Variants in NCKAP5L observed in about 807,000 individuals in gnomAD.
The protein encoded by NCKAP5L is nck-associated protein 5-like.
NCKAP5L carries 54 observed loss-of-function variants against 103.2 expected under a neutral mutation model. That is an observed-to-expected ratio of 0.52 (90% confidence interval 0.42 to 0.66). The LOEUF (loss-of-function observed/expected upper bound fraction) is 0.66. NCKAP5L is among the 30% of genes least tolerant of loss of function. The pLI, the probability that NCKAP5L is intolerant of heterozygous loss-of-function variation, is 0.00. For missense variants in NCKAP5L, 1,733 were observed against 1,750.6 expected, an observed-to-expected ratio of 0.99 and a Z score of 0.18; for synonymous variants, 762 against 748.6, an observed-to-expected ratio of 1.02 and a Z score of -0.29.
chr12:49,791,935 G>C lies in NCKAP5L; in HGVS notation c.3909C>G (p.Gly1303=), dbSNP rs61735515. The C allele has an allele frequency of 4.4e-4, 716 of 1,612,442 alleles. 6 individuals are homozygous for C. The African/African-American group carries it at 8.3e-3, about 19-fold the overall frequency. The change falls in exon 13 of 13, where the codon GGC becomes GGG. Residue 1303 remains glycine, a synonymous_variant. Coordinates refer to ENST00000335999, the MANE Select transcript of NCKAP5L (RefSeq NM_001037806.4). ...CTGGGGGGCCCCCGCTGGCCACTCTGCCTTCCTCGGCCATGTCCGAAGTGC... is the reference window on the plus strand; with the variant it reads ...CTGGGGGGCCCCCGCTGGCCACTCTCCCTTCCTCGGCCATGTCCGAAGTGC... The part of the protein sequence containing the change: ...TPSTSDMAEE[G]RVASGGPPGL...
At chr12:49,793,531 A>G in intron 9 of NCKAP5L, 98 bp from the exon 10 acceptor site, 1 of 1,366,700 alleles carries the variant, frequency 7.3e-7, no homozygotes, top group Non-Finnish European at 1.0e-6. Context: ...AACATATGAG[A>G]GTATGAGGAT....
chr12:49,798,073 G>A (rs759494130), intron 7 of NCKAP5L, among the ~76,000 whole-genome samples: 2 of 152,134 alleles, frequency 1.3e-5, no homozygotes, highest in Non-Finnish European at 1.5e-5. Flanking sequence ...TGATTATTAC[G>A]TTAACCTCAC....
At position 49,792,398 on chromosome 12, in the gene NCKAP5L, T is replaced by C. The variant is rs1661006257; in HGVS notation, c.3792+48A>G. 2 of 1,605,132 alleles carry C rather than the reference T, an allele frequency of 1.2e-6. No homozygotes were observed. The highest frequency in any genetic ancestry group is 1.7e-6 in the Non-Finnish European group (2 of 1,176,030). ...GGAGAAACTGGTCTCCCCACATCAC[T>C]CCCTCCTGCTCCCGAGTCCTTTCCC... On this transcript the variant is annotated intron_variant, in intron 12 of 12. Transcript: ENST00000335999. The surrounding 1 kb of genome is among the most constrained non-coding windows in gnomAD (Gnocchi z 4.5).
chr12:49,796,828 G>A lies in NCKAP5L; in HGVS notation c.1032C>T (p.Ala344=), dbSNP rs116434698. The A allele has an allele frequency of 1.0e-3, 1,681 of 1,613,200 alleles. 12 individuals carry two copies. The African/African-American group carries it at 0.018, about 18-fold the overall frequency. Residue 344 remains alanine, a synonymous_variant, in exon 8 of 13, where the codon GCC becomes GCT. Coordinates refer to ENST00000335999, the MANE Select transcript of NCKAP5L (RefSeq NM_001037806.4). The stretch of plus-strand genomic sequence containing the variant: ...CCCCATTGAGTGGGCCTGCAGCCCC[G>A]GCCAGGAAGGCCTGTAGGTAAGACT... ...DTESYLQAFL[A]GAAGPLNGDH...
intron 6 of NCKAP5L, among the ~76,000 whole-genome samples, chr12:49,800,098 G>C (rs1291765409): frequency 6.6e-6 from 1 of 152,252 alleles, no homozygotes; most frequent in Non-Finnish European, 1.5e-5. Context: ...GGGAGGCTGA[G>C]GCAGAAGAAT....
At position 49,795,754 on chromosome 12, in the gene NCKAP5L, C is replaced by A; in HGVS notation, c.2106G>T (p.Gly702=). 1 of 1,597,448 alleles carries A rather than the reference C, an allele frequency of 6.3e-7. No individual in the cohort carries two copies. Among genetic ancestry groups the A allele is most frequent in the East Asian group, 2.3e-5 (1 of 43,676 alleles). Residue 702 remains glycine, a synonymous_variant, in exon 8 of 13, where the codon GGG becomes GGT. Coordinates refer to ENST00000335999, the MANE Select transcript of NCKAP5L (RefSeq NM_001037806.4). ...AGGGCACCATGTCTCCAGCACTCTCCCCTGACTTCCCAGGTCCCCGGGTCT... is the reference window on the plus strand; with the variant it reads ...AGGGCACCATGTCTCCAGCACTCTCACCTGACTTCCCAGGTCCCCGGGTCT... ...TEKTRGPGKS[G]ESAGDMVPSI...
rs916853854 is a variant in NCKAP5L at position 49,791,500 on chromosome 12, T to C, written c.*339A>G. The C allele has an allele frequency of 1.9e-5, 4 of 205,682 alleles. No homozygotes were observed. In the South Asian group the frequency reaches 7.1e-4, roughly 37 times the overall value. 12.7% of individuals were successfully genotyped at this position (205,682 alleles called of 1,614,324 possible). On this transcript the variant is annotated 3_prime_UTR_variant, in exon 13 of 13. Transcript: ENST00000335999. ...GGTTGGGCAGAGATGGCACGGCTGG[T>C]GGGCAGGAAGCCCAGCACCACAAGA...
chr12:49,795,340 G>A lies in NCKAP5L; in HGVS notation c.2520C>T (p.Pro840=), dbSNP rs575102080. The change falls in exon 8 of 13, where the codon CCC becomes CCT. Residue 840 remains proline, a synonymous_variant. Coordinates refer to ENST00000335999, the MANE Select transcript of NCKAP5L (RefSeq NM_001037806.4). ...PGAPLVTKES[P]KPDKGKGPPW... Reference sequence around the variant, plus strand: ...GAGGGCCCTTCCCTTTGTCAGGCTTGGGGGACTCCTTGGTGACTAGCGGAG... The same window carrying A: ...GAGGGCCCTTCCCTTTGTCAGGCTTAGGGGACTCCTTGGTGACTAGCGGAG... 21 of 1,539,356 alleles carry A rather than the reference G, an allele frequency of 1.4e-5. No individual in the cohort carries two copies. In the South Asian group the frequency reaches 2.5e-4, roughly 18 times the overall value.
At chr12:49,808,351 G>A (rs1488798286) in intron 1 of NCKAP5L, among the ~76,000 whole-genome samples, 3 of 152,254 alleles carry the variant, frequency 2.0e-5, no homozygotes, top group East Asian at 3.8e-4. Flanking sequence ...ACAGCGAGGG[G>A]GTCTGGGGTC....
chr12:49,796,703 G>A lies in NCKAP5L; in HGVS notation c.1157C>T (p.Pro386Leu). The A allele has an allele frequency of 1.2e-6, 2 of 1,600,616 alleles. No homozygotes were observed. Among genetic ancestry groups the A allele is most frequent in the Non-Finnish European group, 8.5e-7 (1 of 1,173,834 alleles). Residue 386 changes from proline (P) to leucine (L), a missense_variant, in exon 8 of 13, where the codon CCA (proline) becomes CTA (leucine). Pro to Leu is a moderately conservative substitution (Grantham distance 98). Transcript: ENST00000335999. ...ACCGAAGCCTGGCCTGTGGGCCTCTGGGGTACCCCCACCCCAAGCTGACTT... is the reference window on the plus strand; with the variant it reads ...ACCGAAGCCTGGCCTGTGGGCCTCTAGGGTACCCCCACCCCAAGCTGACTT... ...LPKSAWGGGT[P>L]EAHRPGFGAT...
Position 49,795,347 on chromosome 12 carries a change from T to G in NCKAP5L, c.2513A>C (p.Glu838Ala). Residue 838 changes from glutamate (E) to alanine (A), a missense_variant, in exon 8 of 13, where the codon GAG becomes GCG. Transcript: ENST00000335999. Reference sequence around the variant, plus strand: ...CTTCCCTTTGTCAGGCTTGGGGGACTCCTTGGTGACTAGCGGAGCCCCAGG... The same window carrying G: ...CTTCCCTTTGTCAGGCTTGGGGGACGCCTTGGTGACTAGCGGAGCCCCAGG... ...PRPGAPLVTK[E>A]SPKPDKGKGP... 6.5e-7 allele frequency: 1 copy of G among 1,540,000 alleles called. No homozygotes were observed. The highest frequency in any genetic ancestry group is 8.7e-7 in the Non-Finnish European group (1 of 1,149,332).
chr12:49,792,363 G>A lies in NCKAP5L; in HGVS notation c.3792+83C>T, dbSNP rs564450932. On this transcript the variant is annotated intron_variant, in intron 12 of 12. Transcript: ENST00000335999. This position sits in a 1 kb window ranked among gnomAD's most constrained non-coding sequence, Gnocchi z 4.5. ...ACTGAGACTGTGCGACACACAGGCC[G>A]TACCTTACTGGAGAAACTGGTCTCC... 7.5e-5 allele frequency: 117 copies of A among 1,570,214 alleles called. No homozygotes were observed. In the East Asian group the frequency reaches 1.6e-3, roughly 21 times the overall value.
chr12:49,795,573 G>A lies in NCKAP5L; in HGVS notation c.2287C>T (p.Leu763=). 6.5e-7 allele frequency: 1 copy of A among 1,549,490 alleles called. No homozygotes were observed. Residue 763 remains leucine, a synonymous_variant, in exon 8 of 13, where the codon CTG becomes TTG. Transcript: ENST00000335999. ...CAGCTCCTTGGTGAGACAGGCTCCAGGTCCACCCGGGCCCCCATGGAGTGA... is the reference window on the plus strand; with the variant it reads ...CAGCTCCTTGGTGAGACAGGCTCCAAGTCCACCCGGGCCCCCATGGAGTGA... ...SSHSMGARVD[L]EPVSPRSCLT...
Position 49,792,154 on chromosome 12 carries a change from T to A in NCKAP5L, c.3793-103A>T. On this transcript the variant is annotated intron_variant, in intron 12 of 12. Transcript: ENST00000335999. The surrounding 1 kb of genome is among the most constrained non-coding windows in gnomAD (Gnocchi z 4.5). ...GGCGTCTGTGCACCTGATGGGGGGC[T>A]GCTCCAGAGGGGGCCCAAGGTGGGG... 1 of 1,162,830 alleles carries A rather than the reference T, an allele frequency of 8.6e-7. No individual in the cohort carries two copies. The allele number at this position is 1,162,830 out of a possible 1,614,324, so 72.0% of individuals were successfully genotyped here. A position where few individuals can be genotyped will look rare whatever the true frequency, so the allele number is the denominator to read the frequency against.
chr12:49,822,072 C>T (rs1483805218), intron 1 of NCKAP5L, among the ~76,000 whole-genome samples: 1 of 152,096 alleles, frequency 6.6e-6, no homozygotes, highest in African/African-American at 2.4e-5. Context: ...AGGTGGAGCC[C>T]TCATGAATGG....
In NCKAP5L at chr12:49,793,752, G is replaced by A. The variant is rs752782945; in HGVS notation, c.3240C>T (p.Cys1080=). Residue 1080 remains cysteine (C), a synonymous_variant, in exon 9 of 13, where the codon TGC becomes TGT. Transcript: ENST00000335999. ...RNGLVGPLQG[C]GKPPGKPSSE... is the part of the protein sequence containing the mutation. Reference sequence around the variant, plus strand: ...AACTTACCTTTCCAGGAGGTTTTCCGCAGCCCTGAAGAGGGCCCACCAGGC... The same window carrying A: ...AACTTACCTTTCCAGGAGGTTTTCCACAGCCCTGAAGAGGGCCCACCAGGC... 4 of 1,566,024 alleles carry A rather than the reference G, an allele frequency of 2.6e-6. No homozygotes were observed. Among genetic ancestry groups the A allele is most frequent in the Admixed American group, 2.0e-5 (1 of 50,724 alleles).
Position 49,792,536 on chromosome 12 carries a change from C to A in NCKAP5L, c.3702G>T (p.Trp1234Cys). Reference protein sequence around the residue: ...PTPPVQLAKNWTFPNTRAAGS... With the variant: ...PTPPVQLAKNCTFPNTRAAGS... ...CGGCTGCCCTAGTATTGGGGAAGGT[C>A]CAGTTCTTGGCCAGCTGGACAGGAG... The change falls in exon 12 of 13, where the codon TGG becomes TGT. Residue 1234 changes from tryptophan to cysteine, a missense_variant. Trp to Cys is a radical substitution (Grantham distance 215). Transcript: ENST00000335999. The surrounding 1 kb of genome is among the most constrained non-coding windows in gnomAD (Gnocchi z 4.5). 6.2e-7 allele frequency: 1 copy of A among 1,613,778 alleles called. No individual in the cohort carries two copies.
In NCKAP5L at chr12:49,795,868, T is replaced by C. The variant is rs773535136; in HGVS notation, c.1992A>G (p.Arg664=). The change falls in exon 8 of 13, where the codon AGA becomes AGG. Residue 664 remains arginine (R), a synonymous_variant. Transcript: ENST00000335999. The part of the protein sequence containing the change: ...GDPGSTPLRD[R]LAALGKLKTG... Reference sequence around the variant, plus strand: ...TCTTCAGCTTCCCCAGGGCCGCCAGTCTGTCCCGCAGAGGTGTGCTGCCAG... The same window carrying C: ...TCTTCAGCTTCCCCAGGGCCGCCAGCCTGTCCCGCAGAGGTGTGCTGCCAG... 1.3e-6 allele frequency: 2 copies of C among 1,567,562 alleles called. No individual in the cohort carries two copies. Among genetic ancestry groups the C allele is most frequent in the African/African-American group, 1.4e-5 (1 of 73,246 alleles).
chr12:49,803,251 G>A lies in NCKAP5L; in HGVS notation c.124-86C>T, dbSNP rs558599955. The A allele has an allele frequency of 1.8e-4, 239 of 1,319,654 alleles. No homozygotes were observed. The South Asian group carries it at 2.8e-3, about 15-fold the overall frequency. 81.7% of individuals were successfully genotyped at this position (1,319,654 alleles called of 1,614,324 possible). On this transcript the variant is annotated intron_variant, in intron 3 of 12. Transcript: ENST00000335999. ...GGCACATTCCTTTTGGGAAAGGGGAGGCAACTACAGGGGTGCTAACTATAC... is the reference window on the plus strand; with the variant it reads ...GGCACATTCCTTTTGGGAAAGGGGAAGCAACTACAGGGGTGCTAACTATAC...
Sources: allele counts gnomAD v4.1 joint callset (sites outside exome capture counted in the v4.1 genomes callset), GRCh38; gene constraint gnomAD v4.1.1; non-coding constraint Gnocchi (gnomAD v3.1); transcripts MANE v1.5; gene names NCBI Gene and HGNC (gene_info 2026-07-23, HGNC 2026-07-21).